CTNNA2: variants seen among roughly 807,000 people sequenced by gnomAD.
CTNNA2 encodes catenin alpha 2.
A neutral mutation model predicts 101.0 loss-of-function variants in CTNNA2; 42 were observed. The observed-to-expected ratio is 0.42, with a 90% confidence interval of 0.32 to 0.54. The LOEUF is 0.54. CTNNA2 is among the 20% of genes least tolerant of loss of function. CTNNA2 has a pLI of 0.14. For missense variants in CTNNA2, 871 were observed against 1,223.1 expected (o/e 0.71, Z 4.29); for synonymous variants, 450 against 456.4 (o/e 0.99, Z 0.18).
chr2:79,567,855 A>G (rs1675211978), intron 1 of CTNNA2, among the ~76,000 whole-genome samples: 1 of 152,128 alleles, frequency 6.6e-6, no homozygotes, highest in South Asian at 2.1e-4. Context: ...GGAGGCTCTA[A>G]TCAGGAAAAA....
chr2:80,117,847 T>C (rs1345540271), intron 7 of CTNNA2, among the ~76,000 whole-genome samples: 1 of 152,234 alleles, frequency 6.6e-6, no homozygotes, highest in Non-Finnish European at 1.5e-5. Context: ...GTTTGACTAT[T>C]ATCTTGCCTC....
At chr2:80,342,150 A>G (rs982998524) in intron 7 of CTNNA2, among the ~76,000 whole-genome samples, 10 of 152,166 alleles carry the variant, frequency 6.6e-5, no homozygotes, top group Non-Finnish European at 1.2e-4. Context: ...TGGGTAACCA[A>G]TTTATTTTGG....
chr2:80,535,885 C>T (rs1033350684), intron 9 of CTNNA2, among the ~76,000 whole-genome samples: 4 of 152,270 alleles, frequency 2.6e-5, no homozygotes, highest in Admixed American at 2.6e-4. Flanking sequence ...AGCAGGAAAG[C>T]GAGACAACTC....
At chr2:80,495,736 C>T (rs879864156) in intron 9 of CTNNA2, among the ~76,000 whole-genome samples, 8 of 151,880 alleles carry the variant, frequency 5.3e-5, no homozygotes, top group African/African-American at 1.9e-4. Context: ...GTCAGGAGTT[C>T]GAGACCAGCC....
At chr2:80,494,450 C>CT (rs1313743791) in intron 9 of CTNNA2, among the ~76,000 whole-genome samples, 1 of 151,944 alleles carries the variant, frequency 6.6e-6, no homozygotes, top group East Asian at 1.9e-4. Context: ...TTTTTAATGA[C>CT]TTTTTATAAT....
chr2:80,260,220 G>A (rs17261489), intron 7 of CTNNA2, among the ~76,000 whole-genome samples: 9,179 of 152,216 alleles, frequency 0.06, 452 homozygotes, highest in South Asian at 0.28. Flanking sequence ...TACATCCTCA[G>A]TAATGTAGCA....
intron 7 of CTNNA2, among the ~76,000 whole-genome samples, chr2:80,002,132 A>G (rs935830062): frequency 2.1e-4 from 32 of 152,322 alleles, no homozygotes; most frequent in African/African-American, 7.5e-4. Context: ...TTATTCTTTA[A>G]GAAATGCAAT....
chr2:79,990,158 T>C (rs1401566576), intron 7 of CTNNA2, among the ~76,000 whole-genome samples: 1 of 151,992 alleles, frequency 6.6e-6, no homozygotes, highest in African/African-American at 2.4e-5. Flanking sequence ...GGCAGGTAGA[T>C]TTAGAAAGAT....
chr2:79,681,944 A>T (rs1317174225), intron 2 of CTNNA2, among the ~76,000 whole-genome samples: 1 of 152,224 alleles, frequency 6.6e-6, no homozygotes, highest in Non-Finnish European at 1.5e-5. Flanking sequence ...TTTAAATTTT[A>T]TTCTTCTTCC....
At chr2:80,428,162 C>G (rs1396776633) in intron 9 of CTNNA2, among the ~76,000 whole-genome samples, 1 of 152,020 alleles carries the variant, frequency 6.6e-6, no homozygotes, top group African/African-American at 2.4e-5. Flanking sequence ...TGGTAGAAAA[C>G]AAAGAGACCA....
chr2:79,478,267 T>C (rs1384462146), intron 4 of CTNNA2, among the ~76,000 whole-genome samples: 1 of 152,188 alleles, frequency 6.6e-6, no homozygotes, highest in Admixed American at 6.6e-5. Flanking sequence ...CCCACCTCCC[T>C]TCATCTAGTT....
intron 4 of CTNNA2, among the ~76,000 whole-genome samples, chr2:79,466,582 C>A (rs1283669607): frequency 6.6e-6 from 1 of 152,216 alleles, no homozygotes; most frequent in Non-Finnish European, 1.5e-5. Flanking sequence ...ACTGCCTCCT[C>A]AAGTGGGTCC....
intron 7 of CTNNA2, among the ~76,000 whole-genome samples, chr2:80,253,289 A>G (rs1671902305): frequency 6.6e-6 from 1 of 152,102 alleles, no homozygotes; most frequent in Admixed American, 6.6e-5. Flanking sequence ...ATCTAAGTAC[A>G]TTTTACTAAG....
chr2:79,249,778 C>T (rs7580964), intron 2 of CTNNA2, among the ~76,000 whole-genome samples: 33,459 of 152,076 alleles, frequency 0.22, 3,968 homozygotes, highest in Middle Eastern at 0.35. Context: ...TAGTTTCCAA[C>T]AGCTTTCCCA....
intron 5 of CTNNA2, among the ~76,000 whole-genome samples, chr2:79,870,175 C>A (rs1211232611): frequency 6.6e-6 from 1 of 152,154 alleles, no homozygotes; most frequent in African/African-American, 2.4e-5. Flanking sequence ...GTGGACCCAC[C>A]CTGCTAGCCC....
intron 3 of CTNNA2, among the ~76,000 whole-genome samples, chr2:79,772,243 T>A (rs537176463): frequency 2.6e-5 from 4 of 152,184 alleles, no homozygotes; most frequent in Admixed American, 2.0e-4. Flanking sequence ...ATTAATCAGT[T>A]TGATATTAAA....
At chr2:79,557,933 A>C (rs1573339201) in intron 1 of CTNNA2, among the ~76,000 whole-genome samples, 1 of 151,954 alleles carries the variant, frequency 6.6e-6, no homozygotes, top group Non-Finnish European at 1.5e-5. Flanking sequence ...TCCTGGTGAC[A>C]GTTGGGCTTG....
intron 8 of CTNNA2, among the ~76,000 whole-genome samples, chr2:80,402,068 A>C (rs530065019): frequency 6.1e-4 from 93 of 152,240 alleles, no homozygotes; most frequent in African/African-American, 1.8e-3. Context: ...ACATTGGGGG[A>C]TTCCCATTAT....
At chr2:79,556,729 G>C (rs1451209612) in intron 1 of CTNNA2, among the ~76,000 whole-genome samples, 1 of 151,996 alleles carries the variant, frequency 6.6e-6, no homozygotes, top group Non-Finnish European at 1.5e-5. Flanking sequence ...GCGAAGCCTA[G>C]CTGTAAATAC....
Sources: gnomAD v4.1 joint callset for allele counts (sites outside exome capture counted in the v4.1 genomes callset) on GRCh38, gnomAD v4.1.1 for gene constraint, MANE v1.5 for transcripts, NCBI Gene and HGNC (gene_info 2026-07-23, HGNC 2026-07-21) for gene names.